LRP1B: variants seen among roughly 807,000 people sequenced by gnomAD.
LRP1B encodes LDL receptor related protein 1B.
Under a neutral mutation model 556.6 loss-of-function variants are expected in LRP1B, and 217 were observed. The ratio of observed to expected loss-of-function variants is 0.39; its 90% CI spans 0.35 to 0.44. The LOEUF is 0.44. Among genes scored for constraint, LRP1B ranks in the 20% least tolerant of loss-of-function variants. The pLI is 1.00. For missense variants in LRP1B, 5,053 were observed against 5,620.8 expected (o/e 0.90, Z 3.23); for synonymous variants, 2,047 against 1,865.8 (o/e 1.10, Z -2.50).
intron 41 of LRP1B, among the ~76,000 whole-genome samples, chr2:140,663,007 G>A (rs1685150132): frequency 6.6e-6 from 1 of 152,052 alleles, no homozygotes; most frequent in African/African-American, 2.4e-5. Context: ...TTAAGAAAGT[G>A]CACTAACTTT....
intron 35 of LRP1B, among the ~76,000 whole-genome samples, chr2:140,725,970 T>C (rs561625362): frequency 1.3e-5 from 2 of 152,272 alleles, no homozygotes; most frequent in Admixed American, 1.3e-4. Context: ...TTAGAACTGC[T>C]TGAGGAATGT....
At chr2:140,495,324 T>C (rs1688873836) in intron 56 of LRP1B, among the ~76,000 whole-genome samples, 1 of 151,892 alleles carries the variant, frequency 6.6e-6, no homozygotes, top group African/African-American at 2.4e-5. Context: ...TTTTTTTTTT[T>C]TTTTTTGTGG....
At chr2:141,651,984 C>T (rs1043983851) in intron 2 of LRP1B, among the ~76,000 whole-genome samples, 1 of 152,112 alleles carries the variant, frequency 6.6e-6, no homozygotes, top group Non-Finnish European at 1.5e-5. Context: ...AATAGACCAG[C>T]ATTAAAATGG....
At position 140,747,776 on chromosome 2, in the gene LRP1B, C is replaced by G. The variant is rs543217787; in HGVS notation, c.5758+21437G>C. 5.9e-5 allele frequency among the ~76,000 whole-genome samples: 9 copies of G among 152,060 alleles called. No homozygotes were observed. In the South Asian group the frequency reaches 1.9e-3, roughly 32 times the overall value. On this transcript the variant is annotated intron_variant, in intron 35 of 90. Coordinates refer to ENST00000389484, the MANE Select transcript of LRP1B (RefSeq NM_018557.3). Reference sequence around the variant, plus strand: ...AGAATGGTTTAAAAGTGACCTGAAACAGCTAGCATAATGTCAACACATTGG... The same window carrying G: ...AGAATGGTTTAAAAGTGACCTGAAAGAGCTAGCATAATGTCAACACATTGG...
At chr2:142,128,870 G>C (rs968881510) in intron 1 of LRP1B, among the ~76,000 whole-genome samples, 2 of 152,142 alleles carry the variant, frequency 1.3e-5, no homozygotes, top group Admixed American at 1.3e-4. Context: ...TATCTCAGAA[G>C]AAAGTTGTGG....
At chr2:140,771,456 G>A (rs1168048270) in intron 33 of LRP1B, among the ~76,000 whole-genome samples, 1 of 152,094 alleles carries the variant, frequency 6.6e-6, no homozygotes, top group African/African-American at 2.4e-5. Flanking sequence ...AAAGAAAGGA[G>A]GTATGTATGT....
intron 20 of LRP1B, among the ~76,000 whole-genome samples, chr2:140,943,927 A>T (rs948366620): frequency 1.3e-5 from 2 of 152,124 alleles, no homozygotes; most frequent in Admixed American, 1.3e-4. Context: ...AAATCAGAGC[A>T]GAACTAAAAG....
chr2:141,964,318 G>A (rs1701493242), intron 1 of LRP1B, among the ~76,000 whole-genome samples: 1 of 148,944 alleles, frequency 6.7e-6, no homozygotes, highest in African/African-American at 2.5e-5. Context: ...CAAAGCTGGA[G>A]GCATCACACT....
intron 55 of LRP1B, among the ~76,000 whole-genome samples, chr2:140,496,309 A>C (rs1253136880): frequency 2.0e-5 from 3 of 152,116 alleles, no homozygotes; most frequent in African/African-American, 4.8e-5. Context: ...AGTAGATGAG[A>C]AATCCAATAG....
intron 1 of LRP1B, among the ~76,000 whole-genome samples, chr2:142,009,738 T>C (rs1001381871): frequency 6.6e-6 from 1 of 152,178 alleles, no homozygotes; most frequent in Admixed American, 6.5e-5. Context: ...TATGCATGCA[T>C]GTGTATTTTA....
rs372796445 is a variant in LRP1B at position 140,444,210 on chromosome 2, T to G, written c.10294+120A>C. 5,757 of 1,072,806 alleles carry G rather than the reference T, an allele frequency of 5.4e-3. 49 individuals carry two copies. Among genetic ancestry groups the G allele is most frequent in the Middle Eastern group, 0.023 (72 of 3,074 alleles). The allele number at this position is 1,072,806 out of a possible 1,614,324, so 66.5% of individuals were successfully genotyped here. ...CAGTTGGCATCTATTTCTAATTATT[T>G]GACCATAATTTCTTTTCAATTTATC... On this transcript the variant is annotated intron_variant, in intron 65 of 90. Coordinates refer to ENST00000389484, the MANE Select transcript of LRP1B (RefSeq NM_018557.3).
At chr2:141,028,312 T>C (rs1456294948) in intron 11 of LRP1B, among the ~76,000 whole-genome samples, 2 of 151,620 alleles carry the variant, frequency 1.3e-5, no homozygotes, top group Admixed American at 6.6e-5. Context: ...AATAACTTAT[T>C]CATATAAGTA....
intron 2 of LRP1B, among the ~76,000 whole-genome samples, chr2:141,706,489 A>G (rs1475121515): frequency 6.6e-6 from 1 of 152,086 alleles, no homozygotes. Context: ...ACTAAATTCT[A>G]CAACTCAACT....
chr2:140,422,991 G>A (rs1163279852), intron 66 of LRP1B, among the ~76,000 whole-genome samples: 5 of 152,044 alleles, frequency 3.3e-5, no homozygotes, highest in South Asian at 4.1e-4. Flanking sequence ...GAAAATTACC[G>A]AGTCACAGCA....
chr2:140,985,840 AT>A lies in LRP1B; in HGVS notation c.2771-3565del, dbSNP rs1053013550. Among the ~76,000 whole-genome samples, 98 of 150,598 alleles carry A rather than the reference AT, an allele frequency of 6.5e-4. 1 individual carries two copies. The highest frequency in any genetic ancestry group is 2.1e-3 in the African/African-American group (85 of 40,790). ...CTGTTATATAGCTATATCAAATCTTATTTTTTTCTATATTTGTTACAGATTT... is the reference window on the plus strand; with the variant it reads ...CTGTTATATAGCTATATCAAATCTTATTTTTTCTATATTTGTTACAGATTT... On this transcript the variant is annotated intron_variant, in intron 17 of 90. Transcript: ENST00000389484.
chr2:140,952,197 T>C (rs2105303487), intron 18 of LRP1B, among the ~76,000 whole-genome samples: 1 of 152,326 alleles, frequency 6.6e-6, no homozygotes, highest in Middle Eastern at 3.4e-3. Context: ...TTTGGATTCA[T>C]TATACTGCTA....
chr2:140,686,856 A>G (rs945144387), intron 41 of LRP1B, among the ~76,000 whole-genome samples: 1 of 152,096 alleles, frequency 6.6e-6, no homozygotes. Flanking sequence ...TATAGAAGGT[A>G]ACATTTTATA....
intron 43 of LRP1B, among the ~76,000 whole-genome samples, chr2:140,582,941 C>A (rs952352899): frequency 1.3e-5 from 2 of 152,080 alleles, no homozygotes; most frequent in Non-Finnish European, 2.9e-5. Flanking sequence ...GTGATTTGAC[C>A]TTCTTTCCCC....
intron 1 of LRP1B, among the ~76,000 whole-genome samples, chr2:141,878,521 G>A (rs1046675391): frequency 4.6e-5 from 7 of 151,738 alleles, no homozygotes; most frequent in Non-Finnish European, 1.0e-4. Context: ...ATAGAATGGA[G>A]AATAGAAGAA....
Sources: gnomAD v4.1 joint callset for allele counts (sites outside exome capture counted in the v4.1 genomes callset) on GRCh38, gnomAD v4.1.1 for gene constraint, MANE v1.5 for transcripts, NCBI Gene and HGNC (gene_info 2026-07-23, HGNC 2026-07-21) for gene names.